Variants in IL1RAPL1 observed in about 807,000 individuals in gnomAD.
The protein encoded by IL1RAPL1 is interleukin-1 receptor accessory protein-like 1.
A neutral mutation model predicts 48.4 loss-of-function variants in IL1RAPL1; 3 were observed. That is an observed-to-expected ratio of 0.06 (90% CI 0.03 to 0.16). IL1RAPL1 has a LOEUF of 0.16. Ranked by LOEUF, IL1RAPL1 falls within the 10% of genes least tolerant of loss-of-function variation. IL1RAPL1 has a pLI of 1.00. For synonymous variants in IL1RAPL1, 185 were observed against 187.7 expected (o/e 0.99, Z 0.12); for missense variants, 349 against 530.6 (o/e 0.66, Z 3.36).
intron 2 of IL1RAPL1, among the ~76,000 whole-genome samples, chrX:28,916,770 C>A (rs996686441): frequency 8.9e-6 from 1 of 112,299 alleles, no homozygotes; most frequent in Non-Finnish European, 1.9e-5. Context: ...GAGCTTCACA[C>A]ATTTGTAAGG....
At chrX:28,656,815 A>G (rs1934753010) in intron 1 of IL1RAPL1, among the ~76,000 whole-genome samples, 2 of 110,338 alleles carry the variant, frequency 1.8e-5, no homozygotes, top group South Asian at 7.8e-4. Flanking sequence ...TCACGAGGTC[A>G]GGAGATCAAG....
At chrX:29,334,142 G>A (rs1219977014) in intron 3 of IL1RAPL1, among the ~76,000 whole-genome samples, 1 of 83,270 alleles carries the variant, frequency 1.2e-5, no homozygotes, top group African/African-American at 5.2e-5. Context: ...CCTAGTAGGG[G>A]CGGCCGGGCA....
intron 1 of IL1RAPL1, among the ~76,000 whole-genome samples, chrX:28,589,925 A>G (rs1247334559): frequency 8.9e-6 from 1 of 111,990 alleles, no homozygotes; most frequent in Admixed American, 9.5e-5. Flanking sequence ...CATTATTAAC[A>G]CAAATCCCAG....
At chrX:28,623,840 C>T (rs1934309986) in intron 1 of IL1RAPL1, among the ~76,000 whole-genome samples, 1 of 110,081 alleles carries the variant, frequency 9.1e-6, no homozygotes, top group Admixed American at 9.8e-5. Context: ...ATTTAACAAG[C>T]AGTACCAAAA....
At chrX:29,633,468 T>TACACACACACAC (rs200222696) in intron 5 of IL1RAPL1, among the ~76,000 whole-genome samples, 1 of 97,731 alleles carries the variant, frequency 1.0e-5, no homozygotes, top group African/African-American at 3.8e-5. Context: ...GATATATATA[T>TACACACACACAC]ACACACACAC....
chrX:29,870,559 T>C (rs1931781901), intron 6 of IL1RAPL1, among the ~76,000 whole-genome samples: 1 of 111,913 alleles, frequency 8.9e-6, no homozygotes. Context: ...CTGATTTTGA[T>C]GCTATCTTAT....
intron 2 of IL1RAPL1, among the ~76,000 whole-genome samples, chrX:29,282,266 T>C (rs972028049): frequency 8.9e-6 from 1 of 112,572 alleles, no homozygotes; most frequent in Non-Finnish European, 1.9e-5. Context: ...AAAGTCCCTA[T>C]GTTTTCATCC....
At chrX:29,126,366 C>T (rs1035020474) in intron 2 of IL1RAPL1, among the ~76,000 whole-genome samples, 2 of 111,861 alleles carry the variant, frequency 1.8e-5, no homozygotes, top group Admixed American at 9.5e-5. Flanking sequence ...AAATTTTATT[C>T]TCAATAATGT....
chrX:29,131,432 G>A (rs2147484462), intron 2 of IL1RAPL1, among the ~76,000 whole-genome samples: 1 of 110,347 alleles, frequency 9.1e-6, no homozygotes, highest in African/African-American at 3.3e-5. Flanking sequence ...AAAGTATAGA[G>A]GGGGGTATTT....
chrX:29,660,086 A>G (rs1472624806), intron 5 of IL1RAPL1, among the ~76,000 whole-genome samples: 1 of 110,814 alleles, frequency 9.0e-6, no homozygotes, highest in Non-Finnish European at 1.9e-5. Flanking sequence ...CTTTTAAACA[A>G]CCAGATCTCC....
chrX:29,409,071 T>A (rs190471199), intron 5 of IL1RAPL1, among the ~76,000 whole-genome samples: 1 of 112,032 alleles, frequency 8.9e-6, no homozygotes, highest in East Asian at 2.8e-4. Flanking sequence ...TTCAAAAAAT[T>A]GCGTATTTTA....
rs1186271794 is a variant in IL1RAPL1, at chrX:29,802,965, G to T, written c.779-114499G>T. On this transcript the variant is annotated intron_variant, in intron 6 of 10. Coordinates refer to ENST00000378993, the MANE Select transcript of IL1RAPL1 (RefSeq NM_014271.4). ...TATGTATGCATATATGTATACATGT[G>T]TACATATATACATACATGTGTACAT... 6.0e-5 allele frequency among the ~76,000 whole-genome samples: 5 copies of T among 83,932 alleles called. 1 individual carries two copies. Among genetic ancestry groups the T allele is most frequent in the African/African-American group, 2.4e-4 (5 of 20,667 alleles). 72.9% of individuals were successfully genotyped at this position (83,932 alleles called of 115,157 possible). A position where few individuals can be genotyped will look rare whatever the true frequency, so the allele number is the denominator to read the frequency against.
chrX:29,757,367 A>G (rs1928644059), intron 6 of IL1RAPL1, among the ~76,000 whole-genome samples: 1 of 111,856 alleles, frequency 8.9e-6, no homozygotes, highest in Non-Finnish European at 1.9e-5. Context: ...CAAGCAGTTC[A>G]TAAACTAATG....
At chrX:29,772,480 T>A (rs766342780) in intron 6 of IL1RAPL1, among the ~76,000 whole-genome samples, 1 of 111,447 alleles carries the variant, frequency 9.0e-6, no homozygotes, top group South Asian at 3.9e-4. Context: ...GTGGCAAGAT[T>A]TGCAGATGCC....
chrX:29,131,233 A>G (rs768056806), intron 2 of IL1RAPL1, among the ~76,000 whole-genome samples: 1 of 108,046 alleles, frequency 9.3e-6, no homozygotes, highest in Non-Finnish European at 1.9e-5. Flanking sequence ...AGAGGACATC[A>G]GATTGTGCTC....
At chrX:28,764,815 G>A (rs760318153) in intron 1 of IL1RAPL1, among the ~76,000 whole-genome samples, 4 of 103,223 alleles carry the variant, frequency 3.9e-5, no homozygotes, top group East Asian at 2.9e-4. Flanking sequence ...ACACATGCAC[G>A]CAAACACACA....
intron 6 of IL1RAPL1, among the ~76,000 whole-genome samples, chrX:29,907,429 A>G (rs764367897): frequency 9.0e-6 from 1 of 110,949 alleles, no homozygotes; most frequent in African/African-American, 3.3e-5. Context: ...TTTCTCCTAT[A>G]TAGTATATTT....
At chrX:28,901,973 T>A (rs1923087097) in intron 2 of IL1RAPL1, among the ~76,000 whole-genome samples, 1 of 111,544 alleles carries the variant, frequency 9.0e-6, no homozygotes, top group African/African-American at 3.3e-5. Flanking sequence ...TAACATTTTT[T>A]AAATCTGCAT....
intron 2 of IL1RAPL1, among the ~76,000 whole-genome samples, chrX:29,235,784 A>T (rs1464978237): frequency 1.8e-5 from 2 of 112,486 alleles, no homozygotes; most frequent in Non-Finnish European, 3.8e-5. Context: ...AGTATCCCAA[A>T]TGCTATAGCA....
Sources: gnomAD v4.1 joint callset for allele counts (sites outside exome capture counted in the v4.1 genomes callset) on GRCh38, gnomAD v4.1.1 for gene constraint, MANE v1.5 for transcripts, NCBI Gene and HGNC (gene_info 2026-07-23, HGNC 2026-07-21) for gene names.